Variants in AGK observed in about 807,000 individuals in gnomAD.
AGK encodes acylglycerol kinase, mitochondrial.
Under a neutral mutation model 66.4 loss-of-function variants are expected in AGK, and 52 were observed. The ratio of observed to expected loss-of-function variants is 0.78; its 90% confidence interval spans 0.63 to 0.99. The LOEUF is 0.99. Among genes scored for constraint, AGK ranks in the 50% least tolerant of loss-of-function variants. AGK has a pLI of 0.00. For synonymous variants in AGK, 182 were observed against 181.1 expected (o/e 1.00, Z -0.04); for missense variants, 451 against 506.6 (o/e 0.89, Z 1.05).
rs1420592726 is a variant in AGK, at chr7:141,611,071, C to CAGAT, written c.298-122_298-121insATAG. Reference sequence around the variant, plus strand: ...TGATAGCTATTTTTTTCATGTCTATCAGTTATGTAAAATTTACGAAGACAG... The same window carrying CAGAT: ...TGATAGCTATTTTTTTCATGTCTATCAGATAGTTATGTAAAATTTACGAAGACAG... On this transcript the variant is annotated intron_variant, in intron 5 of 15. Coordinates refer to ENST00000649286, the MANE Select transcript of AGK (RefSeq NM_018238.4). 9.0e-6 allele frequency: 5 copies of CAGAT among 554,922 alleles called. No homozygotes were observed. In the African/African-American group the frequency reaches 9.7e-5, roughly 11 times the overall value. The allele number at this position is 554,922 out of a possible 1,614,324, so 34.4% of individuals were successfully genotyped here.
chr7:141,626,260 C>T (rs369723068), intron 9 of AGK, among the ~76,000 whole-genome samples: 23 of 152,246 alleles, frequency 1.5e-4, no homozygotes, highest in African/African-American at 5.5e-4. Context: ...GATCATAAGC[C>T]TTAAAAATGA....
chr7:141,615,806 G>T, intron 8 of AGK: 1 of 478,416 alleles, frequency 2.1e-6, no homozygotes, highest in Non-Finnish European at 3.8e-6. Flanking sequence ...CCTTTTGTCA[G>T]TTATGAAGAT....
At chr7:141,616,814 A>C (rs1796712923) in intron 8 of AGK, among the ~76,000 whole-genome samples, 1 of 145,526 alleles carries the variant, frequency 6.9e-6, no homozygotes, top group African/African-American at 2.6e-5. Flanking sequence ...GCTGGAGTGC[A>C]GTGGCGCGAA....
At chr7:141,649,240 G>A (rs201739338) in intron 13 of AGK, 23 bp from the exon 14 acceptor site, 106 of 1,574,986 alleles carry the variant, frequency 6.7e-5, no homozygotes, top group Middle Eastern at 1.7e-4. Flanking sequence ...GAGTAATGAC[G>A]TTAGTGTTCT....
intron 2 of AGK, among the ~76,000 whole-genome samples, chr7:141,560,213 G>C (rs1562957934): frequency 6.6e-6 from 1 of 151,348 alleles, no homozygotes; most frequent in Non-Finnish European, 1.5e-5. Flanking sequence ...TTAGCTGTGG[G>C]CTCATCATAA....
chr7:141,627,085 C>T (rs761934374), intron 9 of AGK, among the ~76,000 whole-genome samples: 1 of 152,134 alleles, frequency 6.6e-6, no homozygotes, highest in Non-Finnish European at 1.5e-5. Flanking sequence ...TGGGTGAAAG[C>T]TATAAATGGT....
intron 5 of AGK, among the ~76,000 whole-genome samples, chr7:141,607,060 G>C (rs1049922922): frequency 9.9e-5 from 15 of 151,946 alleles, no homozygotes; most frequent in African/African-American, 3.1e-4. Flanking sequence ...TTCACCTACT[G>C]AAGTACATCT....
chr7:141,596,613 G>A lies in AGK; in HGVS notation c.193G>A (p.Val65Ile), dbSNP rs1796233075. 1.2e-6 allele frequency: 2 copies of A among 1,613,920 alleles called. No homozygotes were observed. Among genetic ancestry groups the A allele is most frequent in the Admixed American group, 3.3e-5 (2 of 60,008 alleles). The change falls in exon 4 of 16, where the codon GTT becomes ATT. Residue 65 changes from valine to isoleucine, a missense_variant. Transcript: ENST00000649286. Reference protein sequence around the residue: ...PPNAQVKKATVFLNPAACKGK... With the variant: ...PPNAQVKKATIFLNPAACKGK... ...CAATGCACAAGTGAAGAAGGCCACT[G>A]TTTTTCTCAATCCTGCAGCTTGCAA...
At position 141,611,276 on chromosome 7, in the gene AGK, A is replaced by C; in HGVS notation, c.379A>C (p.Thr127Pro). ...DVIIVAGGDG[T>P]LQEVVTGVLR... ...GATCATTGTTGCAGGAGGAGATGGG[A>C]CACTGCAGGAGGTATGACTGTTTTT... The change falls in exon 6 of 16, where the codon ACA becomes CCA. Residue 127 changes from threonine to proline, a missense_variant. Coordinates refer to ENST00000649286, the MANE Select transcript of AGK (RefSeq NM_018238.4). The C allele has an allele frequency of 6.2e-7, 1 of 1,612,050 alleles. No individual in the cohort carries two copies.
chr7:141,650,542 A>G, intron 14 of AGK: 1 of 985,078 alleles, frequency 1.0e-6, no homozygotes, highest in Non-Finnish European at 1.2e-6. Context: ...GCGTTAGAAA[A>G]CTCTGATACC....
At chr7:141,625,331 A>G (rs910853315) in intron 9 of AGK, among the ~76,000 whole-genome samples, 1 of 152,050 alleles carries the variant, frequency 6.6e-6, no homozygotes, top group African/African-American at 2.4e-5. Context: ...TTGAAATGCT[A>G]TTTTTAGTTC....
chr7:141,604,403 T>TACACAC (rs1554400874), intron 5 of AGK, among the ~76,000 whole-genome samples: 2 of 141,500 alleles, frequency 1.4e-5, no homozygotes, highest in African/African-American at 5.2e-5. Flanking sequence ...TATATATATA[T>TACACAC]ACACATACAT....
intron 10 of AGK, among the ~76,000 whole-genome samples, chr7:141,634,475 C>T (rs1054814061): frequency 6.6e-6 from 1 of 152,182 alleles, no homozygotes; most frequent in African/African-American, 2.4e-5. Context: ...CCTGGCTGTG[C>T]TGTGAGATGG....
At chr7:141,630,984 A>AGTAG (rs1193669089) in intron 9 of AGK, among the ~76,000 whole-genome samples, 1 of 152,166 alleles carries the variant, frequency 6.6e-6, no homozygotes, top group African/African-American at 2.4e-5. Context: ...TGCTTGGCTG[A>AGTAG]GTAGGGGTTC....
chr7:141,599,467 GTC>G (rs1376889216), intron 4 of AGK, among the ~76,000 whole-genome samples: 3 of 152,068 alleles, frequency 2.0e-5, no homozygotes, highest in Admixed American at 2.0e-4. Context: ...AAGGAAAAAA[GTC>G]TTCACCTTCA....
chr7:141,597,890 CAAAAAAAAAAAAA>C (rs56295907), intron 4 of AGK, among the ~76,000 whole-genome samples: 61 of 71,416 alleles, frequency 8.5e-4, no homozygotes, highest in East Asian at 2.6e-3. Context: ...GACTCTGTCT[CAAAAAAAAAAAAA>C]AAAAAAAAAA....
intron 15 of AGK, 43 bp downstream of exon 15, chr7:141,651,652 C>T (rs1335861352): frequency 6.4e-6 from 10 of 1,555,374 alleles, no homozygotes; most frequent in African/African-American, 2.7e-5. Context: ...TTGATTCGTT[C>T]GTCATCGGCC....
intron 5 of AGK, among the ~76,000 whole-genome samples, chr7:141,603,764 G>A (rs928563413): frequency 3.9e-5 from 6 of 152,200 alleles, no homozygotes; most frequent in African/African-American, 1.4e-4. Flanking sequence ...TCTCCAAGTT[G>A]ATGCTGGCTG....
At position 141,601,276 on chromosome 7, in the gene AGK, TTAAGG is replaced by T. The variant is rs1388473123; in HGVS notation, c.297+1_297+5del. 1 of 1,611,784 alleles carries T rather than the reference TTAAGG, an allele frequency of 6.2e-7. No homozygotes were observed. The highest frequency in any genetic ancestry group is 1.7e-5 in the Admixed American group (1 of 59,906). ...TTATCTGGCATGGATGTGACTATTG[TTAAGG>T]TAAGAATGGCTCCTGAATGTTTATT... On this transcript the variant is annotated splice_donor_variant and coding_sequence_variant, in exon 5 of 16. Transcript: ENST00000649286. LOFTEE classifies it high-confidence loss of function.
Sources: gnomAD v4.1 joint callset for allele counts (sites outside exome capture counted in the v4.1 genomes callset) on GRCh38, gnomAD v4.1.1 for gene constraint, MANE v1.5 for transcripts, NCBI Gene and HGNC (gene_info 2026-07-23, HGNC 2026-07-21) for gene names.